The following CSMD1 variants were observed in gnomAD, a reference collection of about 807,000 sequenced individuals.
CSMD1 encodes CUB and sushi domain-containing protein 1.
CSMD1 carries 213 observed loss-of-function variants against 417.5 expected under a neutral mutation model. That is an observed-to-expected ratio of 0.51 (90% CI 0.46 to 0.57). CSMD1 has a LOEUF of 0.57. Ranked by LOEUF, CSMD1 falls within the 20% of genes least tolerant of loss-of-function variation. CSMD1 has a pLI of 0.00. For missense variants in CSMD1, 6,923 were observed against 4,529.7 expected, an observed-to-expected ratio of 1.53 and a Z score of -15.17; for synonymous variants, 2,862 against 1,736.8, an observed-to-expected ratio of 1.65 and a Z score of -16.11.
At chr8:3,112,202 T>C (rs1397842974) in intron 42 of CSMD1, among the ~76,000 whole-genome samples, 3 of 152,016 alleles carry the variant, frequency 2.0e-5, no homozygotes, top group African/African-American at 7.2e-5. Context: ...GATAAATTGG[T>C]GAATTAGAGA....
At chr8:3,481,294 A>T (rs1489410980) in intron 11 of CSMD1, among the ~76,000 whole-genome samples, 4 of 152,270 alleles carry the variant, frequency 2.6e-5, no homozygotes, top group Non-Finnish European at 5.9e-5. Flanking sequence ...GAGAAAAAAC[A>T]AGAGGAATCT....
intron 8 of CSMD1, among the ~76,000 whole-genome samples, chr8:3,609,428 T>C (rs1801780771): frequency 6.6e-6 from 1 of 152,212 alleles, no homozygotes; most frequent in African/African-American, 2.4e-5. Context: ...GTCCCCAAAC[T>C]GACTTGAATT....
At chr8:3,416,835 G>A (rs928121104) in intron 12 of CSMD1, among the ~76,000 whole-genome samples, 3 of 152,198 alleles carry the variant, frequency 2.0e-5, no homozygotes, top group Non-Finnish European at 4.4e-5. Flanking sequence ...CTCCATGAAT[G>A]ACAGCTTTAT....
At chr8:4,839,158 C>T (rs899635805) in intron 1 of CSMD1, among the ~76,000 whole-genome samples, 2 of 152,268 alleles carry the variant, frequency 1.3e-5, no homozygotes, top group South Asian at 4.1e-4. Flanking sequence ...CTAAAACCAT[C>T]CTTCTTTCCC....
intron 1 of CSMD1, among the ~76,000 whole-genome samples, chr8:4,887,600 C>G (rs966259333): frequency 1.3e-5 from 2 of 151,810 alleles, no homozygotes; most frequent in Non-Finnish European, 2.9e-5. Flanking sequence ...TCTATTTCTG[C>G]TTTTTAATTC....
chr8:4,765,592 C>T (rs1402274551), intron 1 of CSMD1, among the ~76,000 whole-genome samples: 1 of 152,188 alleles, frequency 6.6e-6, no homozygotes, highest in South Asian at 2.1e-4. Flanking sequence ...ATGCTATCAA[C>T]CTCCTGAGCA....
intron 5 of CSMD1, among the ~76,000 whole-genome samples, chr8:3,944,567 C>G (rs1811099040): frequency 6.6e-6 from 1 of 151,974 alleles, no homozygotes; most frequent in Admixed American, 6.6e-5. Context: ...AAATTGTCTA[C>G]AACTTTAAAA....
intron 3 of CSMD1, among the ~76,000 whole-genome samples, chr8:4,345,711 A>G (rs867943509): frequency 3.3e-5 from 5 of 152,154 alleles, no homozygotes; most frequent in African/African-American, 1.2e-4. Context: ...AAAAGGCTCA[A>G]CGTCATGAAT....
intron 3 of CSMD1, among the ~76,000 whole-genome samples, chr8:4,192,642 G>A (rs192398006): frequency 3.4e-4 from 52 of 152,316 alleles, no homozygotes; most frequent in Non-Finnish European, 5.9e-4. Context: ...TATTTGCTCA[G>A]GGATCAGAGT....
chr8:4,541,208 C>G (rs1429371563), intron 2 of CSMD1, among the ~76,000 whole-genome samples: 1 of 152,074 alleles, frequency 6.6e-6, no homozygotes, highest in Non-Finnish European at 1.5e-5. Context: ...GACTGGAAGT[C>G]CCATCTCTGC....
chr8:3,300,913 T>G (rs1804341996), intron 25 of CSMD1, among the ~76,000 whole-genome samples: 1 of 131,026 alleles, frequency 7.6e-6, no homozygotes, highest in Non-Finnish European at 1.5e-5. Context: ...GAGCCAGGAT[T>G]GCGCCACCGC....
intron 51 of CSMD1, among the ~76,000 whole-genome samples, chr8:3,024,336 T>G (rs1379585339): frequency 2.0e-5 from 3 of 151,748 alleles, no homozygotes. Context: ...GACAGAGTAT[T>G]GCTCTGTCGC....
At chr8:3,957,685 C>G (rs536395078) in intron 5 of CSMD1, among the ~76,000 whole-genome samples, 1 of 141,678 alleles carries the variant, frequency 7.1e-6, no homozygotes, top group Admixed American at 7.3e-5. Context: ...AAGACCATGT[C>G]GGAAAAAAAA....
intron 3 of CSMD1, among the ~76,000 whole-genome samples, chr8:4,240,250 G>T (rs1453973953): frequency 6.6e-6 from 1 of 152,200 alleles, no homozygotes; most frequent in Non-Finnish European, 1.5e-5. Context: ...GTTTCATGAG[G>T]GGCTGGCAGC....
intron 3 of CSMD1, among the ~76,000 whole-genome samples, chr8:4,407,331 C>T (rs1805099893): frequency 6.6e-6 from 1 of 152,152 alleles, no homozygotes; most frequent in Non-Finnish European, 1.5e-5. Flanking sequence ...GAAATGAAAA[C>T]ATATACAATA....
At chr8:4,305,358 T>C (rs1798190177) in intron 3 of CSMD1, among the ~76,000 whole-genome samples, 1 of 152,062 alleles carries the variant, frequency 6.6e-6, no homozygotes. Context: ...CGAACTGGAA[T>C]CTAAGGGGCT....
chr8:4,902,457 T>A (rs1338064206), intron 1 of CSMD1, among the ~76,000 whole-genome samples: 2 of 151,532 alleles, frequency 1.3e-5, no homozygotes, highest in Non-Finnish European at 2.9e-5. Flanking sequence ...GAAAGGAAAC[T>A]ACTCTATAAT....
At chr8:4,886,349 T>A (rs1031257641) in intron 1 of CSMD1, among the ~76,000 whole-genome samples, 2 of 151,956 alleles carry the variant, frequency 1.3e-5, no homozygotes, top group East Asian at 3.9e-4. Context: ...TTATTTTATG[T>A]ATATTATAAA....
intron 5 of CSMD1, among the ~76,000 whole-genome samples, chr8:3,852,742 T>C (rs1804003022): frequency 6.6e-6 from 1 of 152,032 alleles, no homozygotes; most frequent in South Asian, 2.1e-4. Context: ...GGTAAGCGTC[T>C]GCATCTCCCG....
Sources: allele counts gnomAD v4.1 joint callset (sites outside exome capture counted in the v4.1 genomes callset), GRCh38; gene constraint gnomAD v4.1.1; transcripts MANE v1.5; gene names NCBI Gene and HGNC (gene_info 2026-07-23, HGNC 2026-07-21).